Variants in ARSB observed in about 807,000 individuals in gnomAD.
ARSB encodes the protein arylsulfatase B, also known as N-acetylgalactosamine-4-sulfatase.
In ARSB, 41 loss-of-function variants were observed where a neutral mutation model predicts 50.9. The ratio of observed to expected loss-of-function variants is 0.81; its 90% CI spans 0.63 to 1.04. The LOEUF is 1.04. Among genes scored for constraint, ARSB ranks in the 50% least tolerant of loss-of-function variants. ARSB has a pLI of 0.00. For synonymous variants in ARSB, 269 were observed against 284.8 expected, an observed-to-expected ratio of 0.94 and a Z score of 0.56; for missense variants, 672 against 693.3, an observed-to-expected ratio of 0.97 and a Z score of 0.35.
chr5:78,801,720 C>T (rs1166574807), intron 6 of ARSB, among the ~76,000 whole-genome samples: 2 of 152,160 alleles, frequency 1.3e-5, no homozygotes, highest in Non-Finnish European at 2.9e-5. Flanking sequence ...GGGAGCACCA[C>T]TTCCAGGCAG....
In ARSB at chr5:78,985,027, C is replaced by G. The variant is rs1160145148; in HGVS notation, c.222G>C (p.Ala74=). 7.1e-6 allele frequency: 11 copies of G among 1,541,172 alleles called. No individual in the cohort carries two copies. Among genetic ancestry groups the G allele is most frequent in the Non-Finnish European group, 9.6e-6 (11 of 1,146,070 alleles). The change falls in exon 1 of 8, where the codon GCG becomes GCC. Residue 74 remains alanine (A), a synonymous_variant. Coordinates refer to ENST00000264914, the MANE Select transcript of ARSB (RefSeq NM_000046.5). ...GSRIRTPHLD[A]LAAGGVLLDN... ...CCAGGAGCACCCCGCCGGCCGCCAG[C>G]GCGTCCAGGTGCGGCGTGCGGATGC...
chr5:78,931,357 C>T (rs1376125155), intron 4 of ARSB, among the ~76,000 whole-genome samples: 2 of 152,074 alleles, frequency 1.3e-5, no homozygotes, highest in East Asian at 1.9e-4. Context: ...AATACTGGTG[C>T]CCCCTTTGAA....
chr5:78,873,753 C>A (rs1475933131), intron 5 of ARSB, among the ~76,000 whole-genome samples: 1 of 151,834 alleles, frequency 6.6e-6, no homozygotes, highest in African/African-American at 2.4e-5. Context: ...CCTCGGCCTC[C>A]CAAAGTGCTG....
At chr5:78,866,339 C>A (rs1746734150) in intron 5 of ARSB, among the ~76,000 whole-genome samples, 2 of 152,112 alleles carry the variant, frequency 1.3e-5, no homozygotes. Flanking sequence ...ATCTTGTGAG[C>A]CCTATTCACT....
At chr5:78,812,912 G>A (rs997311286) in intron 6 of ARSB, among the ~76,000 whole-genome samples, 4 of 152,136 alleles carry the variant, frequency 2.6e-5, no homozygotes, top group Non-Finnish European at 4.4e-5. Context: ...GATTGCTGGA[G>A]CCCAGGTGAT....
At chr5:78,956,414 G>A (rs1751729858) in intron 3 of ARSB, among the ~76,000 whole-genome samples, 1 of 151,966 alleles carries the variant, frequency 6.6e-6, no homozygotes, top group African/African-American at 2.4e-5. Flanking sequence ...GGTTTTTTTG[G>A]GGGGATGATG....
chr5:78,984,317 T>C lies in ARSB; in HGVS notation c.312+620A>G, dbSNP rs1038552204. ...ATTTCCTTCGTTAACTGTGGAGCCGTTCCTAAAGGGAAGCTTTTAAAGCGA... is the reference window on the plus strand; with the variant it reads ...ATTTCCTTCGTTAACTGTGGAGCCGCTCCTAAAGGGAAGCTTTTAAAGCGA... On this transcript the variant is annotated intron_variant, in intron 1 of 7. Transcript: ENST00000264914. 3.3e-5 allele frequency among the ~76,000 whole-genome samples: 5 copies of C among 152,332 alleles called. No homozygotes were observed. The East Asian group carries it at 9.6e-4, about 29-fold the overall frequency.
rs368269403 is a variant in ARSB at position 78,969,585 on chromosome 5, G to A, written c.313-393C>T. Among the ~76,000 whole-genome samples, 15 of 152,230 alleles carry A rather than the reference G, an allele frequency of 9.9e-5. No individual in the cohort carries two copies. In the East Asian group the frequency reaches 2.1e-3, roughly 22 times the overall value. On this transcript the variant is annotated intron_variant, in intron 1 of 7. Coordinates refer to ENST00000264914, the MANE Select transcript of ARSB (RefSeq NM_000046.5). The stretch of plus-strand genomic sequence containing the variant: ...ATTAGAAGACACTTCTGTAATCTTC[G>A]AAAACTTGGTGATTTTTTTACAAGT...
At chr5:78,944,179 C>T (rs1480114503) in intron 4 of ARSB, among the ~76,000 whole-genome samples, 1 of 152,188 alleles carries the variant, frequency 6.6e-6, no homozygotes, top group East Asian at 1.9e-4. Flanking sequence ...AGCCATTCAT[C>T]TAATCTTTTT....
chr5:78,907,762 C>A (rs1158914316), intron 4 of ARSB, among the ~76,000 whole-genome samples: 8 of 152,104 alleles, frequency 5.3e-5, no homozygotes, highest in Admixed American at 5.2e-4. Context: ...GCGGCCAAGT[C>A]CATTGTGAAG....
intron 6 of ARSB, among the ~76,000 whole-genome samples, chr5:78,787,821 A>G (rs985337168): frequency 1.3e-5 from 2 of 152,136 alleles, no homozygotes; most frequent in Non-Finnish European, 2.9e-5. Context: ...TATTGGAGCT[A>G]TAGGACTGGC....
chr5:78,940,337 T>C (rs1750849016), intron 4 of ARSB, among the ~76,000 whole-genome samples: 1 of 152,254 alleles, frequency 6.6e-6, no homozygotes, highest in South Asian at 2.1e-4. Flanking sequence ...TTTGGTGTTT[T>C]AGACATGAAG....
At chr5:78,828,793 G>A (rs1217432201) in intron 6 of ARSB, among the ~76,000 whole-genome samples, 1 of 152,176 alleles carries the variant, frequency 6.6e-6, no homozygotes, top group Admixed American at 6.6e-5. Flanking sequence ...GAATATGTTA[G>A]GTTACACGGC....
intron 6 of ARSB, among the ~76,000 whole-genome samples, chr5:78,812,630 C>CA (rs1346447675): frequency 1.0e-4 from 14 of 136,126 alleles, no homozygotes; most frequent in African/African-American, 3.6e-4. Flanking sequence ...CACACACACA[C>CA]ATGATATCAC....
chr5:78,797,990 T>C (rs1284672805), intron 6 of ARSB, among the ~76,000 whole-genome samples: 1 of 151,984 alleles, frequency 6.6e-6, no homozygotes, highest in Non-Finnish European at 1.5e-5. Context: ...AAATACTCCA[T>C]GGAGAAAATG....
At chr5:78,897,283 C>T (rs1314359124) in intron 4 of ARSB, among the ~76,000 whole-genome samples, 1 of 152,090 alleles carries the variant, frequency 6.6e-6, no homozygotes, top group Non-Finnish European at 1.5e-5. Context: ...GGGGTTATTA[C>T]GGGCATTGCA....
intron 4 of ARSB, among the ~76,000 whole-genome samples, chr5:78,949,595 G>A (rs1233922371): frequency 6.6e-6 from 1 of 152,220 alleles, no homozygotes; most frequent in Non-Finnish European, 1.5e-5. Flanking sequence ...CTAAATGTAA[G>A]TAAAACTAAT....
intron 4 of ARSB, among the ~76,000 whole-genome samples, chr5:78,950,753 A>G (rs1159523574): frequency 6.6e-6 from 1 of 152,204 alleles, no homozygotes; most frequent in African/African-American, 2.4e-5. Context: ...TGCAGATTTG[A>G]GAAGGAATCA....
rs1216616004 is a variant in ARSB at position 78,858,417 on chromosome 5, C to G, written c.1143-18991G>C. 3.3e-5 allele frequency among the ~76,000 whole-genome samples: 5 copies of G among 152,106 alleles called. No homozygotes were observed. In the East Asian group the frequency reaches 9.6e-4, roughly 29 times the overall value. ...AAGGAGACAGCCACTGACCAGTGAC[C>G]AGTTTCCAATATGCTATAAATATTT... On this transcript the variant is annotated intron_variant, in intron 5 of 7. Transcript: ENST00000264914.
Sources: allele counts gnomAD v4.1 joint callset (sites outside exome capture counted in the v4.1 genomes callset), GRCh38; gene constraint gnomAD v4.1.1; transcripts MANE v1.5; gene names NCBI Gene and HGNC (gene_info 2026-07-23, HGNC 2026-07-21).